Variants in GATAD2B observed in about 807,000 individuals in gnomAD.
GATAD2B encodes the protein transcriptional repressor p66-beta.
GATAD2B carries 8 observed loss-of-function variants against 64.3 expected under a neutral mutation model. The observed-to-expected ratio is 0.12, with a 90% confidence interval of 0.07 to 0.22. GATAD2B has a LOEUF of 0.22. GATAD2B is among the 10% of genes least tolerant of loss of function. The pLI is 1.00. For synonymous variants in GATAD2B, 281 were observed against 271.3 expected (o/e 1.04, Z -0.35); for missense variants, 453 against 752.0 (o/e 0.60, Z 4.65).
intron 1 of GATAD2B, among the ~76,000 whole-genome samples, chr1:153,844,215 A>C (rs577293980): frequency 2.0e-5 from 3 of 150,914 alleles, no homozygotes; most frequent in Admixed American, 6.6e-5. Flanking sequence ...AGACTGGGGG[A>C]AAAAAAAACA....
intron 1 of GATAD2B, among the ~76,000 whole-genome samples, chr1:153,882,964 T>C (rs957683175): frequency 6.6e-6 from 1 of 152,214 alleles, no homozygotes; most frequent in African/African-American, 2.4e-5. Flanking sequence ...TGGAGATCTA[T>C]TGGCTGAGGA....
chr1:153,914,217 C>G (rs1404155869), intron 1 of GATAD2B, among the ~76,000 whole-genome samples: 4 of 138,760 alleles, frequency 2.9e-5, no homozygotes, highest in South Asian at 2.3e-4. Flanking sequence ...CACTCCAGCC[C>G]CCAGACTCTC....
intron 1 of GATAD2B, among the ~76,000 whole-genome samples, chr1:153,913,421 C>T (rs1678164811): frequency 6.6e-6 from 1 of 152,122 alleles, no homozygotes; most frequent in South Asian, 2.1e-4. Context: ...TTACAGAAAG[C>T]AAGGGTTTCT....
chr1:153,919,857 T>C (rs1000143751), intron 1 of GATAD2B, among the ~76,000 whole-genome samples: 1 of 152,236 alleles, frequency 6.6e-6, no homozygotes, highest in African/African-American at 2.4e-5. Context: ...TGTGCCTTGA[T>C]ATGTAATAAT....
At chr1:153,819,510 A>C in intron 3 of GATAD2B, 96 bp downstream of exon 3, 1 of 887,024 alleles carries the variant, frequency 1.1e-6, no homozygotes, top group Non-Finnish European at 1.7e-6. Flanking sequence ...TTATATCCAA[A>C]GAGTAAATAG....
At chr1:153,876,182 C>A (rs1457952709) in intron 1 of GATAD2B, among the ~76,000 whole-genome samples, 2 of 128,236 alleles carry the variant, frequency 1.6e-5, no homozygotes, top group Non-Finnish European at 3.1e-5. Context: ...GAGCTGAGAT[C>A]GCGCCACTAC....
At position 153,808,959 on chromosome 1, in the gene GATAD2B, A is replaced by G. The variant is rs1419579056; in HGVS notation, c.*1218T>C. The G allele has an allele frequency of 6.6e-6, 1 of 152,164 alleles. No individual in the cohort carries two copies. Among genetic ancestry groups the G allele is most frequent in the African/African-American group, 2.4e-5 (1 of 41,408 alleles). 9.4% of individuals were successfully genotyped at this position (152,164 alleles called of 1,614,324 possible). On this transcript the variant is annotated 3_prime_UTR_variant, in exon 11 of 11. Coordinates refer to ENST00000368655, the MANE Select transcript of GATAD2B (RefSeq NM_020699.4). ...CTGCAGCTGGTGCAGCAGAGTAAGG[A>G]CAGGACTCCAACCTGATTGTGTACC...
intron 1 of GATAD2B, among the ~76,000 whole-genome samples, chr1:153,865,670 T>C (rs1237427913): frequency 2.0e-5 from 3 of 152,146 alleles, no homozygotes; most frequent in African/African-American, 7.2e-5. Flanking sequence ...CACTAGCACA[T>C]ATATAAACCA....
intron 2 of GATAD2B, among the ~76,000 whole-genome samples, chr1:153,824,073 T>C (rs967784029): frequency 6.6e-6 from 1 of 152,164 alleles, no homozygotes; most frequent in Non-Finnish European, 1.5e-5. Flanking sequence ...TGGAAATAGC[T>C]GTCAGTATAT....
intron 1 of GATAD2B, among the ~76,000 whole-genome samples, chr1:153,904,515 A>G (rs989435000): frequency 6.6e-6 from 1 of 152,124 alleles, no homozygotes; most frequent in Non-Finnish European, 1.5e-5. Flanking sequence ...TTATAAGAGC[A>G]AAGATGTATG....
rs977766809 is a variant in GATAD2B at position 153,906,102 on chromosome 1, A to C, written c.-2+16631T>G. Reference sequence around the variant, plus strand: ...AAAAAGCTCCCCTCCCCCGCACCCCACACACACACACACAAAACAGTGTGG... The same window carrying C: ...AAAAAGCTCCCCTCCCCCGCACCCCCCACACACACACACAAAACAGTGTGG... On this transcript the variant is annotated intron_variant, in intron 1 of 10. Transcript: ENST00000368655. 1.5e-3 allele frequency among the ~76,000 whole-genome samples: 226 copies of C among 146,602 alleles called. 2 individuals are homozygous for C. The highest frequency in any genetic ancestry group is 5.1e-3 in the African/African-American group (202 of 39,800).
chr1:153,864,592 G>A (rs1033381114), intron 1 of GATAD2B, among the ~76,000 whole-genome samples: 1 of 152,076 alleles, frequency 6.6e-6, no homozygotes, highest in Non-Finnish European at 1.5e-5. Context: ...AGTCTAGCTT[G>A]GGTGACAAAG....
Position 153,808,703 on chromosome 1 carries a change from G to A in GATAD2B, c.*1474C>T, listed in dbSNP as rs1279441866. 6.7e-6 allele frequency: 1 copy of A among 149,444 alleles called. No homozygotes were observed. Among genetic ancestry groups the A allele is most frequent in the Non-Finnish European group, 1.5e-5 (1 of 67,824 alleles). 9.3% of individuals were successfully genotyped at this position (149,444 alleles called of 1,614,324 possible). A position where few individuals can be genotyped will look rare whatever the true frequency, so the allele number is the denominator to read the frequency against. ...CTTCAAAAACAGCCTGGTCCACTCCGTCTTCCCACAGTGTGGGCAAATGGG... is the reference window on the plus strand; with the variant it reads ...CTTCAAAAACAGCCTGGTCCACTCCATCTTCCCACAGTGTGGGCAAATGGG... On this transcript the variant is annotated 3_prime_UTR_variant, in exon 11 of 11. Transcript: ENST00000368655.
intron 1 of GATAD2B, among the ~76,000 whole-genome samples, chr1:153,865,484 AT>A (rs1384007238): frequency 6.6e-6 from 1 of 152,106 alleles, no homozygotes; most frequent in Non-Finnish European, 1.5e-5. Context: ...TTAAAAAAAA[AT>A]CTACATCTAA....
At chr1:153,818,656 CACTACT>C in intron 4 of GATAD2B, 129 bp downstream of exon 4, 1 of 709,624 alleles carries the variant, frequency 1.4e-6, no homozygotes, top group Non-Finnish European at 2.3e-6. Context: ...AAAAAAAAAT[CACTACT>C]ACTACAGACT....
intron 1 of GATAD2B, among the ~76,000 whole-genome samples, chr1:153,840,791 T>C (rs1186257140): frequency 1.3e-5 from 2 of 152,336 alleles, no homozygotes; most frequent in East Asian, 3.9e-4. Context: ...AGAATTTTAC[T>C]GTGCACACTG....
intron 1 of GATAD2B, chr1:153,852,493 T>C: frequency 1.3e-6 from 1 of 763,172 alleles, no homozygotes; most frequent in Non-Finnish European, 2.4e-6. Flanking sequence ...CGTGACTCGA[T>C]GTGCTCTGCA....
chr1:153,828,297 G>A lies in GATAD2B; in HGVS notation c.51C>T (p.Ser17=). The stretch of plus-strand genomic sequence containing the variant: ...CATCTCGCTCATCTGCTGGGTCCAA[G>A]CTCCGCTTCAACAGATTCAAGCGAA... ...DALRLNLLKR[S]LDPADERDDV... Residue 17 remains serine (S), a synonymous_variant, in exon 2 of 11, where the codon AGC becomes AGT. Transcript: ENST00000368655. 6.2e-7 allele frequency: 1 copy of A among 1,613,294 alleles called. No individual in the cohort carries two copies. The highest frequency in any genetic ancestry group is 8.5e-7 in the Non-Finnish European group (1 of 1,180,014).
chr1:153,863,958 C>T (rs1055322762), intron 1 of GATAD2B, among the ~76,000 whole-genome samples: 1 of 152,078 alleles, frequency 6.6e-6, no homozygotes, highest in Non-Finnish European at 1.5e-5. Context: ...CAAAGTAGAA[C>T]GGATGTAGGC....
Sources: allele counts gnomAD v4.1 joint callset (sites outside exome capture counted in the v4.1 genomes callset), GRCh38; gene constraint gnomAD v4.1.1; transcripts MANE v1.5; gene names NCBI Gene and HGNC (gene_info 2026-07-23, HGNC 2026-07-21).